The following PTPRN2 variants were observed in gnomAD, a reference collection of about 807,000 sequenced individuals.
PTPRN2 encodes receptor-type tyrosine-protein phosphatase N2.
In PTPRN2, 74 loss-of-function variants were observed where a neutral mutation model predicts 118.8. The ratio of observed to expected loss-of-function variants is 0.62; its 90% CI spans 0.52 to 0.76. PTPRN2 has a LOEUF of 0.76. Among genes scored for constraint, PTPRN2 ranks in the 30% least tolerant of loss-of-function variants. The probability of loss-of-function intolerance (pLI) is 0.00; values close to 1 mark genes in which losing one functional copy is unlikely to be tolerated. For missense variants in PTPRN2, 1,481 were observed against 1,394.4 expected (o/e 1.06, Z -0.99); for synonymous variants, 641 against 608.0 (o/e 1.05, Z -0.80).
At chr7:158,545,724 C>G (rs1826239438) in intron 1 of PTPRN2, among the ~76,000 whole-genome samples, 1 of 152,182 alleles carries the variant, frequency 6.6e-6, no homozygotes, top group African/African-American at 2.4e-5. Flanking sequence ...TCTTGCCAGG[C>G]CCAGTGGCTC....
intron 13 of PTPRN2, among the ~76,000 whole-genome samples, chr7:157,675,709 G>A (rs1475861497): frequency 6.6e-6 from 1 of 152,128 alleles, no homozygotes; most frequent in Non-Finnish European, 1.5e-5. Flanking sequence ...GACAGTCGCT[G>A]CAGACCGGGC....
chr7:158,071,574 GAGGTGCTCC>G (rs1563392071), intron 11 of PTPRN2, among the ~76,000 whole-genome samples: 519 of 24,118 alleles, frequency 0.022, 38 homozygotes, highest in Non-Finnish European at 0.034. Flanking sequence ...GCTCCTGGTG[GAGGTGCTCC>G]TGGTGGAGGT....
At chr7:158,018,410 A>G (rs1806603190) in intron 11 of PTPRN2, among the ~76,000 whole-genome samples, 1 of 152,236 alleles carries the variant, frequency 6.6e-6, no homozygotes, top group Non-Finnish European at 1.5e-5. Flanking sequence ...GAGCATATAA[A>G]TCCCTGTTTG....
chr7:157,932,387 T>C (rs61007842), intron 11 of PTPRN2, among the ~76,000 whole-genome samples: 1 of 72,678 alleles, frequency 1.4e-5, no homozygotes, highest in Admixed American at 1.2e-4. Flanking sequence ...TAGAAAATCC[T>C]TCAGTTCAGT....
At chr7:158,325,391 A>G (rs1223279790) in intron 2 of PTPRN2, among the ~76,000 whole-genome samples, 1 of 150,360 alleles carries the variant, frequency 6.7e-6, no homozygotes, top group Non-Finnish European at 1.5e-5. Context: ...TTTCTTATTT[A>G]TTTATGGAAA....
At chr7:157,687,984 G>C (rs1797277663) in intron 12 of PTPRN2, among the ~76,000 whole-genome samples, 1 of 152,204 alleles carries the variant, frequency 6.6e-6, no homozygotes, top group Non-Finnish European at 1.5e-5. Flanking sequence ...ATCAGAGCAA[G>C]AGGCACTGCG....
At chr7:157,814,500 G>A (rs897299221) in intron 12 of PTPRN2, among the ~76,000 whole-genome samples, 1 of 139,688 alleles carries the variant, frequency 7.2e-6, no homozygotes, top group Non-Finnish European at 1.5e-5. Context: ...GGAGAGACAC[G>A]GGGCAGGACG....
chr7:158,472,819 C>G (rs773339974), intron 2 of PTPRN2, among the ~76,000 whole-genome samples: 5 of 152,214 alleles, frequency 3.3e-5, no homozygotes, highest in Admixed American at 2.0e-4. Context: ...ACATTTCCTC[C>G]CAACTCCACC....
chr7:157,837,317 G>T (rs1044397933), intron 12 of PTPRN2, among the ~76,000 whole-genome samples: 1 of 100,886 alleles, frequency 9.9e-6, no homozygotes, highest in Admixed American at 1.1e-4. Context: ...CCATCGACAC[G>T]TCCCTCCATC....
intron 3 of PTPRN2, among the ~76,000 whole-genome samples, chr7:158,298,150 C>T (rs1800629406): frequency 6.6e-6 from 1 of 152,164 alleles, no homozygotes; most frequent in Non-Finnish European, 1.5e-5. Context: ...TAAGTCTTTT[C>T]AAAGACCCAG....
At chr7:157,933,483 G>A (rs1010460521) in intron 11 of PTPRN2, among the ~76,000 whole-genome samples, 10 of 143,928 alleles carry the variant, frequency 6.9e-5, no homozygotes, top group African/African-American at 2.1e-4. Flanking sequence ...TTTTAGAGGA[G>A]GGGTGAGTCA....
rs142124003 is a variant in PTPRN2 at position 158,294,479 on chromosome 7, G to A, written c.277+22340C>T. ...GGCGTCAACTATTCCCTCCTGGCCT[G>A]GAATCACAGACGTTCCATTTCTTCC... is the stretch of plus-strand genomic sequence containing the variant. On this transcript the variant is annotated intron_variant, in intron 3 of 22. Transcript: ENST00000389418. 1.6e-3 allele frequency among the ~76,000 whole-genome samples: 239 copies of A among 152,258 alleles called. 1 individual carries two copies. Among genetic ancestry groups the A allele is most frequent in the African/African-American group, 5.5e-3 (228 of 41,554 alleles).
rs199637733 is a variant in PTPRN2 at position 158,382,500 on chromosome 7, C to G, written c.164-65568G>C. ...TCTTCTGCAAAAACAATTTTTCCAG[C>G]CCCATTCTATTCTTACAGCAGGAGT... On this transcript the variant is annotated intron_variant, in intron 2 of 22. Coordinates refer to ENST00000389418, the MANE Select transcript of PTPRN2 (RefSeq NM_002847.5). Among the ~76,000 whole-genome samples, 4 of 152,320 alleles carry G rather than the reference C, an allele frequency of 2.6e-5. No individual in the cohort carries two copies. In the South Asian group the frequency reaches 6.2e-4, roughly 24 times the overall value.
At chr7:157,688,959 G>T (rs1276501954) in intron 12 of PTPRN2, among the ~76,000 whole-genome samples, 1 of 152,200 alleles carries the variant, frequency 6.6e-6, no homozygotes, top group Admixed American at 6.5e-5. Context: ...AGCCAGGAGA[G>T]GGGTCCCGGC....
intron 2 of PTPRN2, among the ~76,000 whole-genome samples, chr7:158,436,258 C>T (rs1403437623): frequency 6.6e-6 from 1 of 152,242 alleles, no homozygotes; most frequent in Non-Finnish European, 1.5e-5. Flanking sequence ...TTCCTGGTTT[C>T]CATGTGGGTT....
chr7:158,207,061 T>C (rs2150751958), intron 3 of PTPRN2, among the ~76,000 whole-genome samples: 1 of 148,432 alleles, frequency 6.7e-6, no homozygotes, highest in Middle Eastern at 3.4e-3. Context: ...ATGCGGTGTT[T>C]GGTTTTTTGT....
At chr7:158,568,894 G>A (rs1424759772) in intron 1 of PTPRN2, among the ~76,000 whole-genome samples, 1 of 152,176 alleles carries the variant, frequency 6.6e-6, no homozygotes. Context: ...AGGAGGCTAA[G>A]GTGGGAGGAA....
At position 158,529,968 on chromosome 7, in the gene PTPRN2, C is replaced by T. The variant is rs762969609; in HGVS notation, c.113-40183G>A. 2.6e-5 allele frequency among the ~76,000 whole-genome samples: 4 copies of T among 152,068 alleles called. No homozygotes were observed. The highest frequency in any genetic ancestry group is 5.9e-5 in the Non-Finnish European group (4 of 68,008). On this transcript the variant is annotated intron_variant, in intron 1 of 22. Coordinates refer to ENST00000389418, the MANE Select transcript of PTPRN2 (RefSeq NM_002847.5). This position sits in a 1 kb window ranked among gnomAD's most constrained non-coding sequence, Gnocchi z 4.7. Reference sequence around the variant, plus strand: ...ATCTCACATACCACACACAAGCATGCACGCCACACATGCCATACACACCAC... The same window carrying T: ...ATCTCACATACCACACACAAGCATGTACGCCACACATGCCATACACACCAC...
At chr7:157,620,137 A>G (rs1196062258) in intron 15 of PTPRN2, among the ~76,000 whole-genome samples, 2 of 152,204 alleles carry the variant, frequency 1.3e-5, no homozygotes, top group East Asian at 3.9e-4. Context: ...CGTTGTGAGT[A>G]TCTACTTCCC....
Sources: gnomAD v4.1 joint callset for allele counts (sites outside exome capture counted in the v4.1 genomes callset) on GRCh38, gnomAD v4.1.1 for gene constraint, Gnocchi (gnomAD v3.1) non-coding constraint, MANE v1.5 for transcripts, NCBI Gene and HGNC (gene_info 2026-07-23, HGNC 2026-07-21) for gene names.